NSD2: variants seen among roughly 807,000 people sequenced by gnomAD.
NSD2 encodes histone-lysine N-methyltransferase NSD2.
A neutral mutation model predicts 139.0 loss-of-function variants in NSD2; 12 were observed. The observed-to-expected ratio is 0.09, with a 90% CI of 0.06 to 0.14. The LOEUF is 0.14. NSD2 is among the 10% of genes least tolerant of loss of function. NSD2 has a pLI of 1.00. For missense variants in NSD2, 1,155 were observed against 1,745.0 expected, an observed-to-expected ratio of 0.66 and a Z score of 6.02; for synonymous variants, 669 against 648.7, an observed-to-expected ratio of 1.03 and a Z score of -0.48.
intron 9 of NSD2, chr4:1,944,695 A>T (rs1723439761): frequency 9.4e-7 from 1 of 1,064,258 alleles, no homozygotes; most frequent in Non-Finnish European, 1.1e-6. Flanking sequence ...GAGGTCCTGA[A>T]TTGTTTTTCT....
intron 11 of NSD2, chr4:1,953,015 T>G: frequency 6.9e-7 from 1 of 1,440,756 alleles, no homozygotes; most frequent in Non-Finnish European, 9.0e-7. Flanking sequence ...GAAAGGCCTC[T>G]TTTCATAGGA....
intron 1 of NSD2, among the ~76,000 whole-genome samples, chr4:1,880,539 C>CT (rs1351013684): frequency 2.0e-5 from 3 of 150,518 alleles, no homozygotes; most frequent in African/African-American, 7.4e-5. Context: ...TTTTATAGGC[C>CT]TGTAATGGGA....
intron 5 of NSD2, among the ~76,000 whole-genome samples, chr4:1,920,913 C>T (rs1348269209): frequency 6.6e-6 from 1 of 151,836 alleles, no homozygotes; most frequent in Non-Finnish European, 1.5e-5. Flanking sequence ...TGGCATGTGC[C>T]TGTAGTCTCA....
intron 5 of NSD2, among the ~76,000 whole-genome samples, chr4:1,920,798 G>A (rs973505932): frequency 1.3e-5 from 2 of 151,090 alleles, no homozygotes; most frequent in African/African-American, 2.4e-5. Flanking sequence ...CTTTGGGAGG[G>A]TGAGGCAGGA....
At chr4:1,879,304 C>T (rs1021554029) in intron 1 of NSD2, among the ~76,000 whole-genome samples, 8 of 152,178 alleles carry the variant, frequency 5.3e-5, no homozygotes, top group East Asian at 1.9e-4. Context: ...CTGCAAGCTC[C>T]GCCTCCTGGG....
intron 1 of NSD2, among the ~76,000 whole-genome samples, chr4:1,883,663 G>C (rs1229628002): frequency 2.0e-5 from 3 of 146,786 alleles, no homozygotes; most frequent in African/African-American, 7.6e-5. Context: ...TACCTCCTCC[G>C]CTCTGCTGAT....
Position 1,901,049 on chromosome 4 carries a change from A to G in NSD2, c.395A>G (p.Tyr132Cys). 2 of 1,614,180 alleles carry G rather than the reference A, an allele frequency of 1.2e-6. No individual in the cohort carries two copies. Among genetic ancestry groups the G allele is most frequent in the Non-Finnish European group, 1.7e-6 (2 of 1,180,026 alleles). Residue 132 changes from tyrosine to cysteine, a missense_variant, in exon 2 of 22, where the codon TAC (tyrosine) becomes TGC (cysteine). By Grantham distance (194) the Tyr-to-Cys change is radical. This residue lies in a region of NSD2 where 246 missense variants were observed against 262.8 expected (regional missense o/e 0.94). Coordinates refer to ENST00000508803, the MANE Select transcript of NSD2 (RefSeq NM_001042424.3). ...ATTAAGCTGAAAATCACCAAAACAT[A>G]CATGAATGGGAAGCCTCTCTTTGAA... ...PEIKLKITKT[Y>C]MNGKPLFESS... is the part of the protein sequence containing the mutation.
At chr4:1,903,767 C>A (rs981299369) in intron 2 of NSD2, among the ~76,000 whole-genome samples, 9 of 148,134 alleles carry the variant, frequency 6.1e-5, no homozygotes, top group Non-Finnish European at 1.3e-4. Context: ...TGGAGTCTCG[C>A]CCTGTCGCCC....
chr4:1,932,472 C>T (rs984730480), intron 6 of NSD2, among the ~76,000 whole-genome samples: 14 of 149,676 alleles, frequency 9.4e-5, no homozygotes, highest in African/African-American at 2.5e-4. Context: ...TCCAGCCCGG[C>T]GCAGTGGCTC....
rs1316040293 is a variant in NSD2, at chr4:1,976,863, G to T, written c.3826+184G>T. 2.6e-5 allele frequency among the ~76,000 whole-genome samples: 4 copies of T among 152,258 alleles called. No individual in the cohort carries two copies. The highest frequency in any genetic ancestry group is 9.6e-5 in the African/African-American group (4 of 41,468). On this transcript the variant is annotated intron_variant, in intron 21 of 21. Transcript: ENST00000508803. This position sits in a 1 kb window ranked among gnomAD's most constrained non-coding sequence, Gnocchi z 5.3. The stretch of plus-strand genomic sequence containing the variant: ...TTTGTTCCACCAGCCGCACATTCTA[G>T]ATCTCTGCATCGAGCAGAGAAGATA...
At chr4:1,964,905 T>C (rs1725725623) in intron 18 of NSD2, among the ~76,000 whole-genome samples, 1 of 151,320 alleles carries the variant, frequency 6.6e-6, no homozygotes. Context: ...CCATCTTGGG[T>C]TGATCCTCTG....
chr4:1,951,521 CACAA>C lies in NSD2; in HGVS notation c.2013+320_2013+323del, dbSNP rs1724266578. Reference sequence around the variant, plus strand: ...ACACACACACACACACACACACACACACAAAGTTCCTGTTGGAAAAGGTGAGGTG... The same window carrying C: ...ACACACACACACACACACACACACACAGTTCCTGTTGGAAAAGGTGAGGTG... On this transcript the variant is annotated intron_variant, in intron 10 of 21. Transcript: ENST00000508803. Among the ~76,000 whole-genome samples, 3 of 132,672 alleles carry C rather than the reference CACAA, an allele frequency of 2.3e-5. 1 individual carries two copies. The highest frequency in any genetic ancestry group is 7.7e-5 in the Admixed American group (1 of 12,970). 87.0% of individuals were successfully genotyped at this position (132,672 alleles called of 152,430 possible).
At chr4:1,878,546 C>T (rs773702827) in intron 1 of NSD2, among the ~76,000 whole-genome samples, 9 of 151,836 alleles carry the variant, frequency 5.9e-5, no homozygotes, top group Non-Finnish European at 1.3e-4. Flanking sequence ...GACTTTTTTC[C>T]TTTTGCTTGG....
At chr4:1,962,520 G>T (rs963898785) in intron 18 of NSD2, among the ~76,000 whole-genome samples, 1 of 152,104 alleles carries the variant, frequency 6.6e-6, no homozygotes, top group Non-Finnish European at 1.5e-5. Context: ...TCAAAGGATC[G>T]GGAAAAAATT....
chr4:1,901,304 G>T, intron 2 of NSD2, 53 bp downstream of exon 2: 1 of 1,467,812 alleles, frequency 6.8e-7, no homozygotes. Flanking sequence ...AGTGAGCATG[G>T]CCACCCTATG....
intron 9 of NSD2, chr4:1,941,820 C>T: frequency 9.5e-7 from 1 of 1,052,912 alleles, no homozygotes; most frequent in South Asian, 4.6e-5. Context: ...ATAAACTTGT[C>T]TATTATATAT....
chr4:1,976,594 T>C lies in NSD2; in HGVS notation c.3741T>C (p.Asp1247=). The part of the protein sequence containing the change: ...QSEDECFRCG[D]GGQLVLCDRK... The stretch of plus-strand genomic sequence containing the variant: ...AGGACGAGTGCTTCCGCTGCGGTGA[T>C]GGCGGGCAGCTGGTGCTGTGTGACC... Residue 1247 remains aspartate (D), a synonymous_variant, in exon 21 of 22, where the codon GAT becomes GAC. Coordinates refer to ENST00000508803, the MANE Select transcript of NSD2 (RefSeq NM_001042424.3). This position sits in a 1 kb window ranked among gnomAD's most constrained non-coding sequence, Gnocchi z 5.3. The C allele has an allele frequency of 6.2e-7, 1 of 1,612,042 alleles. No individual in the cohort carries two copies. The highest frequency in any genetic ancestry group is 1.1e-5 in the South Asian group (1 of 90,586).
chr4:1,950,577 G>A (rs1393387480), intron 9 of NSD2, among the ~76,000 whole-genome samples: 1 of 152,206 alleles, frequency 6.6e-6, no homozygotes, highest in Non-Finnish European at 1.5e-5. Flanking sequence ...AGGACGCATG[G>A]TCTCCACCCC....
intron 5 of NSD2, among the ~76,000 whole-genome samples, chr4:1,927,988 G>T (rs933229672): frequency 6.6e-6 from 1 of 151,984 alleles, no homozygotes; most frequent in Non-Finnish European, 1.5e-5. Context: ...CTCCAAGGCT[G>T]CAGTGATGCT....
Sources: allele counts gnomAD v4.1 joint callset (sites outside exome capture counted in the v4.1 genomes callset), GRCh38; gene constraint gnomAD v4.1.1; regional missense constraint gnomAD v4.1.1; non-coding constraint Gnocchi (gnomAD v3.1); transcripts MANE v1.5; gene names NCBI Gene and HGNC (gene_info 2026-07-23, HGNC 2026-07-21).